CRTAC1: variants seen among roughly 807,000 people sequenced by gnomAD.
The protein encoded by CRTAC1 is acidic secreted protein in cartilage.
A neutral mutation model predicts 67.8 loss-of-function variants in CRTAC1; 37 were observed. The observed-to-expected ratio is 0.55, with a 90% confidence interval of 0.42 to 0.72. The LOEUF (loss-of-function observed/expected upper bound fraction) is 0.72. Among genes scored for constraint, CRTAC1 ranks in the 30% least tolerant of loss-of-function variants. CRTAC1 has a pLI of 0.00. For synonymous variants in CRTAC1, 348 were observed against 371.0 expected (o/e 0.94, Z 0.71); for missense variants, 780 against 931.6 (o/e 0.84, Z 2.12).
At chr10:97,995,965 C>T (rs149068072) in intron 2 of CRTAC1, among the ~76,000 whole-genome samples, 275 of 152,204 alleles carry the variant, frequency 1.8e-3, no homozygotes, top group Non-Finnish European at 2.5e-3. Context: ...TCAAGACCAT[C>T]CTGGCTAACA....
intron 5 of CRTAC1, among the ~76,000 whole-genome samples, chr10:97,914,293 G>T (rs968235599): frequency 3.3e-5 from 5 of 152,164 alleles, no homozygotes; most frequent in African/African-American, 1.2e-4. Context: ...CCTGTACCTT[G>T]CACAGTGCTC....
intron 2 of CRTAC1, among the ~76,000 whole-genome samples, chr10:97,991,099 C>CA (rs757267901): frequency 0.023 from 421 of 17,936 alleles, 43 homozygotes; most frequent in African/African-American, 0.036. Flanking sequence ...ACCATCTCTA[C>CA]AAAAAAAAAA....
intron 11 of CRTAC1, among the ~76,000 whole-genome samples, chr10:97,887,059 G>T (rs1357631569): frequency 6.6e-6 from 1 of 151,306 alleles, no homozygotes; most frequent in Non-Finnish European, 1.5e-5. Context: ...GTAAATATTT[G>T]CCATTAAAAG....
chr10:97,869,753 G>A (rs1719385029), intron 14 of CRTAC1: 1 of 152,308 alleles, frequency 6.6e-6, no homozygotes, highest in Non-Finnish European at 1.5e-5. Context: ...GGACTTTTCT[G>A]TGGCTTCCAG....
rs367577768 is a variant in CRTAC1, at chr10:97,904,720, G to A, written c.945C>T (p.Gly315=). 1.1e-5 allele frequency: 17 copies of A among 1,602,566 alleles called. No individual in the cohort carries two copies. Among genetic ancestry groups the A allele is most frequent in the Non-Finnish European group, 1.4e-5 (17 of 1,174,998 alleles). ...TCATTTGCAGATAGAGGCGGTGGGG[G>A]CCATTCCAGTTGCCATAGACGATGT... ...KVDIVYGNWN[G]PHRLYLQMST... The change falls in exon 7 of 15, where the codon GGC becomes GGT. Residue 315 remains glycine, a synonymous_variant. Coordinates refer to ENST00000370597, the MANE Select transcript of CRTAC1 (RefSeq NM_018058.7).
At chr10:97,891,680 G>A (rs772868486) in intron 11 of CRTAC1, among the ~76,000 whole-genome samples, 7 of 152,210 alleles carry the variant, frequency 4.6e-5, no homozygotes, top group South Asian at 2.1e-4. Context: ...TCTTTCTGTC[G>A]CCCCCTGTTC....
chr10:97,929,407 T>A (rs1319423033), intron 3 of CRTAC1, among the ~76,000 whole-genome samples: 10 of 152,248 alleles, frequency 6.6e-5, no homozygotes, highest in African/African-American at 2.4e-4. Context: ...CATAAAGAAC[T>A]CTTCCAAAGG....
At chr10:97,872,093 C>T (rs577219459) in intron 14 of CRTAC1, among the ~76,000 whole-genome samples, 3 of 152,206 alleles carry the variant, frequency 2.0e-5, no homozygotes, top group African/African-American at 4.8e-5. Context: ...GGGCAGGGAG[C>T]CTGTCTTACT....
intron 1 of CRTAC1, among the ~76,000 whole-genome samples, chr10:98,012,502 A>T (rs763431027): frequency 2.6e-5 from 4 of 152,108 alleles, no homozygotes; most frequent in Non-Finnish European, 5.9e-5. Context: ...AAGGTAGCAG[A>T]CCTCTTCTAG....
chr10:97,917,985 C>T (rs991106480), intron 4 of CRTAC1, among the ~76,000 whole-genome samples: 2 of 152,198 alleles, frequency 1.3e-5, no homozygotes, highest in Non-Finnish European at 2.9e-5. Flanking sequence ...CAGCTGAGCT[C>T]TCTCCAGCTG....
intron 14 of CRTAC1, chr10:97,868,280 TCA>T (rs1301014054): frequency 1.3e-5 from 2 of 152,306 alleles, no homozygotes; most frequent in Non-Finnish European, 2.9e-5. Context: ...TTGAATCCTG[TCA>T]CAGAGGTCCA....
In CRTAC1 at chr10:98,002,761, CTTTTTTTTTTTTTTTTTT is replaced by C. The variant is rs531021933; in HGVS notation, c.224+8359_224+8376del. On this transcript the variant is annotated intron_variant, in intron 2 of 14. Coordinates refer to ENST00000370597, the MANE Select transcript of CRTAC1 (RefSeq NM_018058.7). ...TTTTAGGAATTCTTTACAAAACTCA[CTTTTTTTTTTTTTTTTTT>C]TTTTTTTTTTTTTTTTTTTGAGAGA... is the stretch of plus-strand genomic sequence containing the variant. Among the ~76,000 whole-genome samples, 38 of 37,294 alleles carry C rather than the reference CTTTTTTTTTTTTTTTTTT, an allele frequency of 1.0e-3. No individual in the cohort carries two copies. In the Middle Eastern group the frequency reaches 0.065, roughly 63 times the overall value. 24.5% of individuals were successfully genotyped at this position (37,294 alleles called of 152,430 possible).
intron 1 of CRTAC1, among the ~76,000 whole-genome samples, chr10:98,018,410 G>C (rs971766021): frequency 1.3e-5 from 2 of 151,934 alleles, no homozygotes; most frequent in African/African-American, 4.8e-5. Flanking sequence ...TGAGTGACAG[G>C]GAAGGCCTCT....
chr10:97,913,318 C>T (rs1180322746), intron 5 of CRTAC1, among the ~76,000 whole-genome samples: 1 of 152,070 alleles, frequency 6.6e-6, no homozygotes, highest in Non-Finnish European at 1.5e-5. Context: ...GACTGTGTGG[C>T]GGGTATTAGA....
intron 2 of CRTAC1, among the ~76,000 whole-genome samples, chr10:97,977,422 C>T (rs933997065): frequency 6.6e-6 from 1 of 152,208 alleles, no homozygotes; most frequent in African/African-American, 2.4e-5. Context: ...GCTCTGCTCA[C>T]CCAATGGGGC....
Position 97,936,379 on chromosome 10 carries a change from T to A in CRTAC1, c.225-13A>T. The A allele has an allele frequency of 1.9e-6, 3 of 1,594,728 alleles. No individual in the cohort carries two copies. Among genetic ancestry groups the A allele is most frequent in the Non-Finnish European group, 1.7e-6 (2 of 1,165,458 alleles). ...GGGTCCATTGTACCTGGAGGAGGAA[T>A]GGGGAGGGGATGCTGGGGAGGAGCC... is the stretch of plus-strand genomic sequence containing the variant. On this transcript the variant is annotated splice_polypyrimidine_tract_variant and intron_variant, in intron 2 of 14. Coordinates refer to ENST00000370597, the MANE Select transcript of CRTAC1 (RefSeq NM_018058.7).
intron 2 of CRTAC1, among the ~76,000 whole-genome samples, chr10:97,967,381 G>A (rs997625435): frequency 6.6e-6 from 1 of 152,080 alleles, no homozygotes; most frequent in Non-Finnish European, 1.5e-5. Flanking sequence ...GGCTCACTTT[G>A]TATATTTCTT....
intron 3 of CRTAC1, among the ~76,000 whole-genome samples, 191 bp from the exon 4 acceptor site, chr10:97,923,591 G>T (rs1368884534): frequency 6.6e-6 from 1 of 152,150 alleles, no homozygotes; most frequent in South Asian, 2.1e-4. Flanking sequence ...TTCCAGTTGA[G>T]GGAAGAGACT....
At chr10:97,931,877 G>T (rs2051008890) in intron 3 of CRTAC1, among the ~76,000 whole-genome samples, 1 of 152,186 alleles carries the variant, frequency 6.6e-6, no homozygotes, top group Non-Finnish European at 1.5e-5. Flanking sequence ...GAACATCCTA[G>T]GTTCCTGGAT....
Sources: allele counts gnomAD v4.1 joint callset (sites outside exome capture counted in the v4.1 genomes callset), GRCh38; gene constraint gnomAD v4.1.1; transcripts MANE v1.5; gene names NCBI Gene and HGNC (gene_info 2026-07-23, HGNC 2026-07-21).